Variants in RIMBP2 observed in about 807,000 individuals in gnomAD.
RIMBP2 encodes the protein RIMS binding protein 2, also known as RIMS-binding protein 2.
A neutral mutation model predicts 118.6 loss-of-function variants in RIMBP2; 48 were observed. The ratio of observed to expected loss-of-function variants is 0.40; its 90% CI spans 0.32 to 0.51. The LOEUF (loss-of-function observed/expected upper bound fraction) is 0.51. RIMBP2 is among the 20% of genes least tolerant of loss of function. The pLI is 0.41. For synonymous variants in RIMBP2, 762 were observed against 742.9 expected, an observed-to-expected ratio of 1.03 and a Z score of -0.42; for missense variants, 1,551 against 1,768.3, an observed-to-expected ratio of 0.88 and a Z score of 2.20.
chr12:130,589,544 GC>G (rs2059128662), intron 2 of RIMBP2, among the ~76,000 whole-genome samples: 2 of 152,078 alleles, frequency 1.3e-5, no homozygotes, highest in Non-Finnish European at 2.9e-5. Flanking sequence ...TGCCACACAG[GC>G]AGCTAACTCC....
intron 2 of RIMBP2, among the ~76,000 whole-genome samples, chr12:130,524,086 A>G (rs752092792): frequency 3.9e-5 from 6 of 152,250 alleles, no homozygotes; most frequent in Non-Finnish European, 7.4e-5. Context: ...GGTTGCCTCC[A>G]GATGCCGGGG....
At chr12:130,592,335 T>G (rs767053925) in intron 2 of RIMBP2, among the ~76,000 whole-genome samples, 2 of 152,090 alleles carry the variant, frequency 1.3e-5, no homozygotes, top group African/African-American at 2.4e-5. Context: ...AACGAAATAG[T>G]GGTCTCTTTT....
intron 7 of RIMBP2, among the ~76,000 whole-genome samples, chr12:130,454,322 T>C (rs559308478): frequency 1.1e-4 from 16 of 152,324 alleles, no homozygotes; most frequent in African/African-American, 3.4e-4. Flanking sequence ...AGTAAACACA[T>C]TCAGAGAGTG....
intron 19 of RIMBP2, among the ~76,000 whole-genome samples, chr12:130,409,284 C>G (rs1260934141): frequency 6.7e-6 from 1 of 148,790 alleles, no homozygotes; most frequent in Non-Finnish European, 1.5e-5. Flanking sequence ...TGTCCCAGAC[C>G]TTGACCCTTT....
At chr12:130,440,915 C>A (rs775248923) in intron 11 of RIMBP2, among the ~76,000 whole-genome samples, 1 of 152,140 alleles carries the variant, frequency 6.6e-6, no homozygotes, top group Admixed American at 6.5e-5. Context: ...AGTAACTCAG[C>A]AGCACTGGGA....
chr12:130,685,463 C>A (rs142110088), intron 1 of RIMBP2, among the ~76,000 whole-genome samples: 1 of 152,184 alleles, frequency 6.6e-6, no homozygotes, highest in Non-Finnish European at 1.5e-5. Context: ...GTGAAGAAGA[C>A]GACTGGGCAG....
At chr12:130,649,610 C>T (rs191512130) in intron 1 of RIMBP2, among the ~76,000 whole-genome samples, 144 of 152,268 alleles carry the variant, frequency 9.5e-4, no homozygotes, top group African/African-American at 3.0e-3. Flanking sequence ...AGAGACAGCG[C>T]GGGCCACATA....
intron 2 of RIMBP2, among the ~76,000 whole-genome samples, chr12:130,590,076 C>T (rs57329458): frequency 0.19 from 29,274 of 152,122 alleles, 3,072 homozygotes; most frequent in East Asian, 0.36. Flanking sequence ...TACATCTTTA[C>T]AGGAAACACG....
chr12:130,624,846 T>G (rs1415530423), intron 2 of RIMBP2, among the ~76,000 whole-genome samples: 1 of 152,156 alleles, frequency 6.6e-6, no homozygotes, highest in African/African-American at 2.4e-5. Flanking sequence ...TGCCTCAGCC[T>G]CCCAAGTAGT....
intron 4 of RIMBP2, among the ~76,000 whole-genome samples, chr12:130,490,123 C>CAAAAAAAAA (rs35698241): frequency 1.0e-5 from 1 of 95,458 alleles, no homozygotes; most frequent in Non-Finnish European, 2.1e-5. Flanking sequence ...GACTCTGTCT[C>CAAAAAAAAA]AAAAAAAAAA....
At chr12:130,537,957 T>C (rs185146077) in intron 2 of RIMBP2, among the ~76,000 whole-genome samples, 28 of 152,284 alleles carry the variant, frequency 1.8e-4, no homozygotes, top group Admixed American at 3.3e-4. Flanking sequence ...GATGGAAGGA[T>C]AGAATTGTCA....
intron 2 of RIMBP2, among the ~76,000 whole-genome samples, chr12:130,554,873 G>A (rs2056192429): frequency 1.3e-5 from 2 of 152,082 alleles, no homozygotes; most frequent in African/African-American, 4.8e-5. Context: ...CTATGAAGCA[G>A]GTGCCATCAT....
intron 4 of RIMBP2, among the ~76,000 whole-genome samples, chr12:130,489,250 G>C (rs866726993): frequency 1.3e-5 from 2 of 152,144 alleles, no homozygotes; most frequent in Admixed American, 1.3e-4. Context: ...AATACGCATC[G>C]GATAGAATGG....
intron 4 of RIMBP2, among the ~76,000 whole-genome samples, chr12:130,491,999 T>C (rs2048693052): frequency 6.6e-6 from 1 of 152,226 alleles, no homozygotes; most frequent in Admixed American, 6.5e-5. Flanking sequence ...CTGAATTATC[T>C]CCTCAACGTC....
intron 4 of RIMBP2, among the ~76,000 whole-genome samples, chr12:130,503,675 C>T (rs145250137): frequency 4.5e-4 from 69 of 152,298 alleles, no homozygotes; most frequent in African/African-American, 1.5e-3. Flanking sequence ...ATGTCCAGCA[C>T]GCCATGCTTT....
chr12:130,450,189 G>A lies in RIMBP2; in HGVS notation c.581+11C>T. On this transcript the variant is annotated intron_variant, in intron 9 of 22. Coordinates refer to ENST00000690449, the MANE Select transcript of RIMBP2 (RefSeq NM_001393629.1). This position sits in a 1 kb window ranked among gnomAD's most constrained non-coding sequence, Gnocchi z 4.8. Reference sequence around the variant, plus strand: ...ACAGGGGCTCGGTGGACGCCGAGGGGCCGCACTTACCTATAGCGGGCAACA... The same window carrying A: ...ACAGGGGCTCGGTGGACGCCGAGGGACCGCACTTACCTATAGCGGGCAACA... 1 of 1,592,202 alleles carries A rather than the reference G, an allele frequency of 6.3e-7. No homozygotes were observed. The highest frequency in any genetic ancestry group is 8.6e-7 in the Non-Finnish European group (1 of 1,165,818).
At chr12:130,563,207 C>A (rs79846721) in intron 2 of RIMBP2, among the ~76,000 whole-genome samples, 3 of 152,182 alleles carry the variant, frequency 2.0e-5, no homozygotes, top group African/African-American at 7.2e-5. Context: ...ATATTCCCAT[C>A]GCCCCTTAGA....
intron 2 of RIMBP2, among the ~76,000 whole-genome samples, chr12:130,559,392 C>T (rs146520657): frequency 6.6e-5 from 10 of 152,094 alleles, no homozygotes; most frequent in Non-Finnish European, 1.5e-4. Flanking sequence ...TTTTGGATTT[C>T]GCCTATGAGT....
chr12:130,528,621 TC>T (rs2053057623), intron 2 of RIMBP2, among the ~76,000 whole-genome samples: 1 of 152,182 alleles, frequency 6.6e-6, no homozygotes, highest in South Asian at 2.1e-4. Flanking sequence ...TAAAAATGTC[TC>T]TCAATAATTG....
Sources: gnomAD v4.1 joint callset for allele counts (sites outside exome capture counted in the v4.1 genomes callset) on GRCh38, gnomAD v4.1.1 for gene constraint, Gnocchi (gnomAD v3.1) non-coding constraint, MANE v1.5 for transcripts, NCBI Gene and HGNC (gene_info 2026-07-23, HGNC 2026-07-21) for gene names.